NAV3: variants seen among roughly 807,000 people sequenced by gnomAD.
The protein encoded by NAV3 is pore membrane and/or filament interacting like protein 1.
In NAV3, 87 loss-of-function variants were observed where a neutral mutation model predicts 244.7. The observed-to-expected ratio is 0.36, with a 90% CI of 0.30 to 0.42. NAV3 has a LOEUF of 0.42. Among genes scored for constraint, NAV3 ranks in the 20% least tolerant of loss-of-function variants. The pLI is 1.00. For missense variants in NAV3, 2,663 were observed against 2,893.3 expected (o/e 0.92, Z 1.83); for synonymous variants, 1,126 against 1,042.2 (o/e 1.08, Z -1.55).
At chr12:78,185,286 T>C (rs555497715) in intron 30 of NAV3, among the ~76,000 whole-genome samples, 2 of 151,994 alleles carry the variant, frequency 1.3e-5, no homozygotes, top group South Asian at 4.1e-4. Flanking sequence ...TAATGGTGAC[T>C]AAATATTACT....
intron 1 of NAV3, among the ~76,000 whole-genome samples, chr12:77,856,922 G>A (rs1878477672): frequency 1.3e-5 from 2 of 152,074 alleles, no homozygotes; most frequent in Admixed American, 6.5e-5. Context: ...CGGAAGGCTA[G>A]GAATGATAAA....
chr12:78,117,036 T>C (rs972603533), intron 13 of NAV3, 132 bp downstream of exon 13: 13 of 1,052,482 alleles, frequency 1.2e-5, no homozygotes, highest in Non-Finnish European at 1.8e-5. Context: ...GCAGAGATAA[T>C]AAGGACTCCC....
At chr12:78,033,021 A>G (rs1879258537) in intron 9 of NAV3, among the ~76,000 whole-genome samples, 2 of 152,144 alleles carry the variant, frequency 1.3e-5, no homozygotes, top group Admixed American at 1.3e-4. Context: ...TAGGTGCTGG[A>G]CTGGCTCAAT....
At chr12:78,067,584 C>T (rs1271725921) in intron 12 of NAV3, among the ~76,000 whole-genome samples, 1 of 152,022 alleles carries the variant, frequency 6.6e-6, no homozygotes, top group Admixed American at 6.6e-5. Context: ...ATTCATACCA[C>T]ATCCACATGT....
At chr12:77,856,246 A>G (rs1878377687) in intron 1 of NAV3, among the ~76,000 whole-genome samples, 2 of 152,176 alleles carry the variant, frequency 1.3e-5, no homozygotes. Context: ...TTGGCTGTCT[A>G]TGAAGTAGAG....
intron 2 of NAV3, among the ~76,000 whole-genome samples, chr12:77,710,134 G>T (rs1010791586): frequency 3.9e-5 from 6 of 152,088 alleles, no homozygotes; most frequent in Non-Finnish European, 7.4e-5. Context: ...TCTTATTAGG[G>T]CGTGCACTTT....
chr12:78,013,632 G>T (rs951148076), intron 8 of NAV3, among the ~76,000 whole-genome samples: 1 of 152,122 alleles, frequency 6.6e-6, no homozygotes, highest in African/African-American at 2.4e-5. Flanking sequence ...ATGTATATGT[G>T]TGTGTGCATA....
intron 2 of NAV3, among the ~76,000 whole-genome samples, chr12:77,581,213 C>T (rs900768146): frequency 5.3e-5 from 8 of 152,112 alleles, no homozygotes; most frequent in Non-Finnish European, 1.2e-4. Context: ...GGACTCCATC[C>T]CACATCTATT....
chr12:77,984,791 A>C (rs1269510394), intron 5 of NAV3, among the ~76,000 whole-genome samples: 1 of 151,884 alleles, frequency 6.6e-6, no homozygotes, highest in African/African-American at 2.4e-5. Flanking sequence ...CTTGAATTTG[A>C]TTTCCATTAA....
chr12:77,721,013 G>C (rs1379745913), intron 2 of NAV3, among the ~76,000 whole-genome samples: 1 of 152,132 alleles, frequency 6.6e-6, no homozygotes, highest in African/African-American at 2.4e-5. Context: ...AGAATGGTTT[G>C]TGTTTTTTAT....
intron 1 of NAV3, among the ~76,000 whole-genome samples, chr12:77,891,743 A>G (rs1244999841): frequency 6.6e-6 from 1 of 152,244 alleles, no homozygotes; most frequent in Non-Finnish European, 1.5e-5. Context: ...CAGCAGCTGC[A>G]GAGACGGCTT....
chr12:78,047,346 G>A (rs1364017917), intron 9 of NAV3, among the ~76,000 whole-genome samples: 1 of 152,086 alleles, frequency 6.6e-6, no homozygotes, highest in Non-Finnish European at 1.5e-5. Context: ...AATTAGCCAG[G>A]CCTGGCAACG....
At chr12:77,757,376 G>T (rs1175392305) in intron 2 of NAV3, among the ~76,000 whole-genome samples, 1 of 152,280 alleles carries the variant, frequency 6.6e-6, no homozygotes, top group African/African-American at 2.4e-5. Context: ...GACAAAACTA[G>T]TTTACCACAC....
chr12:77,598,450 G>A (rs1870270643), intron 2 of NAV3, among the ~76,000 whole-genome samples: 1 of 152,006 alleles, frequency 6.6e-6, no homozygotes. Flanking sequence ...TACATTAGCG[G>A]AAGTGGAATT....
At chr12:77,596,999 A>C (rs1195313822) in intron 2 of NAV3, among the ~76,000 whole-genome samples, 1 of 152,144 alleles carries the variant, frequency 6.6e-6, no homozygotes, top group Admixed American at 6.6e-5. Context: ...CATCGAGTCC[A>C]TCCTTTGCCA....
At chr12:77,663,626 A>G (rs1873576827) in intron 2 of NAV3, among the ~76,000 whole-genome samples, 1 of 151,918 alleles carries the variant, frequency 6.6e-6, no homozygotes. Flanking sequence ...AGTTCAAGCA[A>G]TTCTTCTGCC....
At chr12:77,733,405 T>C (rs148401133) in intron 2 of NAV3, among the ~76,000 whole-genome samples, 23 of 151,826 alleles carry the variant, frequency 1.5e-4, no homozygotes, top group African/African-American at 5.6e-4. Context: ...TCTGGAGAAA[T>C]AAAAATGTGC....
At chr12:77,782,891 T>C (rs1231827113) in intron 2 of NAV3, among the ~76,000 whole-genome samples, 1 of 152,168 alleles carries the variant, frequency 6.6e-6, no homozygotes, top group East Asian at 1.9e-4. Flanking sequence ...ATCTTTCCCT[T>C]CCTCTTAGTG....
intron 1 of NAV3, among the ~76,000 whole-genome samples, chr12:77,873,682 T>TATAC (rs1208328854): frequency 3.3e-5 from 3 of 89,660 alleles, no homozygotes; most frequent in Non-Finnish European, 6.1e-5. Context: ...TGTATGTGTA[T>TATAC]ATATATATAT....
Sources: allele counts gnomAD v4.1 joint callset (sites outside exome capture counted in the v4.1 genomes callset), GRCh38; gene constraint gnomAD v4.1.1; transcripts MANE v1.5; gene names NCBI Gene and HGNC (gene_info 2026-07-23, HGNC 2026-07-21).